The following CCNY variants were observed in gnomAD, a reference collection of about 807,000 sequenced individuals.
The protein encoded by CCNY is cyclin-Y.
CCNY carries 19 observed loss-of-function variants against 42.8 expected under a neutral mutation model. The ratio of observed to expected loss-of-function variants is 0.44; its 90% confidence interval spans 0.31 to 0.65. The LOEUF (loss-of-function observed/expected upper bound fraction) is 0.65. Among genes scored for constraint, CCNY ranks in the 30% least tolerant of loss-of-function variants. The pLI, the probability that CCNY is intolerant of heterozygous loss-of-function variation, is 0.07. For missense variants in CCNY, 370 were observed against 437.3 expected, an observed-to-expected ratio of 0.85 and a Z score of 1.37; for synonymous variants, 165 against 162.7, an observed-to-expected ratio of 1.01 and a Z score of -0.11.
At chr10:35,346,846 C>T (rs1049512282) in intron 1 of CCNY, among the ~76,000 whole-genome samples, 2 of 152,190 alleles carry the variant, frequency 1.3e-5, no homozygotes, top group Non-Finnish European at 1.5e-5. Flanking sequence ...GGGCTGGTCT[C>T]GAACTCCTGG....
intron 1 of CCNY, among the ~76,000 whole-genome samples, chr10:35,358,679 A>C (rs1433584144): frequency 1.3e-5 from 2 of 152,266 alleles, no homozygotes; most frequent in Non-Finnish European, 2.9e-5. Context: ...TAGGTGGTTA[A>C]TTACTTATAG....
rs1350533067 is a variant in CCNY, at chr10:35,569,623, ATT to A, written c.*457_*458del. On this transcript the variant is annotated 3_prime_UTR_variant, in exon 10 of 10. Transcript: ENST00000374704. The stretch of plus-strand genomic sequence containing the variant: ...TCTGCTGCTTTTTTGGGATGGGGGT[ATT>A]TTTGTTCATTTGTTTTTGCCCTGTT... 1 of 177,356 alleles carries A rather than the reference ATT, an allele frequency of 5.6e-6. No individual in the cohort carries two copies. The highest frequency in any genetic ancestry group is 1.2e-5 in the Non-Finnish European group (1 of 82,550). 11.0% of individuals were successfully genotyped at this position (177,356 alleles called of 1,614,324 possible). A position where few individuals can be genotyped will look rare whatever the true frequency, so the allele number is the denominator to read the frequency against.
At position 35,530,914 on chromosome 10, in the gene CCNY, T is replaced by C. The variant is rs144343145; in HGVS notation, c.579+671T>C. Among the ~76,000 whole-genome samples the C allele has an allele frequency of 6.6e-6, 1 of 152,110 alleles. No individual in the cohort carries two copies. Among genetic ancestry groups the C allele is most frequent in the East Asian group, 1.9e-4 (1 of 5,154 alleles). ...TAGTGAAACCCCGACTCTACAAAAT[T>C]TAAAAGTCAGCTGGCCATGGTGGCA... is the stretch of plus-strand genomic sequence containing the variant. On this transcript the variant is annotated intron_variant, in intron 7 of 9. Transcript: ENST00000374704. The surrounding 1 kb of genome is among the most constrained non-coding windows in gnomAD (Gnocchi z 4.3).
chr10:35,530,333 GAATCC>G lies in CCNY; in HGVS notation c.579+91_579+95del. On this transcript the variant is annotated intron_variant, in intron 7 of 9. Coordinates refer to ENST00000374704, the MANE Select transcript of CCNY (RefSeq NM_145012.6). The surrounding 1 kb of genome is among the most constrained non-coding windows in gnomAD (Gnocchi z 4.3). ...CTCAGCGGAGTGAGGTTGGAGCAGGGAATCCTCACCAGGTTACCCTGTGGACACCG... is the reference window on the plus strand; with the variant it reads ...CTCAGCGGAGTGAGGTTGGAGCAGGGTCACCAGGTTACCCTGTGGACACCG... The G allele has an allele frequency of 1.3e-6, 2 of 1,528,508 alleles. No homozygotes were observed. Among genetic ancestry groups the G allele is most frequent in the African/African-American group, 1.4e-5 (1 of 73,412 alleles). The allele number at this position is 1,528,508 out of a possible 1,614,324, so 94.7% of individuals were successfully genotyped here.
intron 1 of CCNY, among the ~76,000 whole-genome samples, chr10:35,383,443 G>T (rs554613750): frequency 7.2e-5 from 11 of 151,988 alleles, no homozygotes; most frequent in Non-Finnish European, 1.0e-4. Context: ...GAGTAGCTGG[G>T]ATTACAGGCA....
chr10:35,516,688 T>TTTA (rs1554797218), intron 4 of CCNY, 65 bp downstream of exon 4: 49 of 829,356 alleles, frequency 5.9e-5, no homozygotes, highest in Non-Finnish European at 8.1e-5. Context: ...TTTTTTTTTT[T>TTTA]ACTTAACTGA....
At chr10:35,469,304 A>C (rs148317486) in intron 1 of CCNY, among the ~76,000 whole-genome samples, 194 of 152,332 alleles carry the variant, frequency 1.3e-3, no homozygotes, top group Non-Finnish European at 2.4e-3. Flanking sequence ...GTAGCATGAG[A>C]GCTTTTAGGT....
intron 3 of CCNY, among the ~76,000 whole-genome samples, chr10:35,304,644 G>A (rs1304974478): frequency 6.6e-6 from 1 of 152,198 alleles, no homozygotes; most frequent in African/African-American, 2.4e-5. Context: ...GGTTTGGTTA[G>A]CATATTGCAG....
intron 1 of CCNY, among the ~76,000 whole-genome samples, chr10:35,469,549 C>T (rs1341474373): frequency 6.6e-6 from 1 of 151,770 alleles, no homozygotes; most frequent in Non-Finnish European, 1.5e-5. Context: ...GATGGAGAGG[C>T]AGAACGGGAG....
chr10:35,570,941 A>G lies in CCNY; in HGVS notation c.*1771A>G, dbSNP rs1434364701. 1 of 152,352 alleles carries G rather than the reference A, an allele frequency of 6.6e-6. No homozygotes were observed. The highest frequency in any genetic ancestry group is 6.5e-5 in the Admixed American group (1 of 15,286). 9.4% of individuals were successfully genotyped at this position (152,352 alleles called of 1,614,324 possible). ...CAAATAAACAGCATATAAAACGTTA[A>G]TTATCTTTCCATTGTAATTGTGATG... On this transcript the variant is annotated 3_prime_UTR_variant, in exon 10 of 10. Coordinates refer to ENST00000374704, the MANE Select transcript of CCNY (RefSeq NM_145012.6).
chr10:35,267,343 T>C (rs2095726571), intron 3 of CCNY, among the ~76,000 whole-genome samples: 1 of 151,218 alleles, frequency 6.6e-6, no homozygotes, highest in African/African-American at 2.4e-5. Context: ...AATTCCAGCC[T>C]CATCCTCGGG....
intron 1 of CCNY, among the ~76,000 whole-genome samples, chr10:35,356,396 G>A (rs1342930176): frequency 6.6e-6 from 1 of 152,198 alleles, no homozygotes; most frequent in African/African-American, 2.4e-5. Flanking sequence ...TGAGACTGGT[G>A]CAGTGGTTTT....
intron 1 of CCNY, among the ~76,000 whole-genome samples, chr10:35,369,653 G>A (rs180917735): frequency 3.9e-5 from 6 of 152,050 alleles, no homozygotes; most frequent in African/African-American, 4.8e-5. Flanking sequence ...GTGCTGAGCC[G>A]GCCACTTAAG....
intron 1 of CCNY, among the ~76,000 whole-genome samples, chr10:35,371,412 A>G (rs376514853): frequency 6.6e-6 from 1 of 152,108 alleles, no homozygotes; most frequent in Admixed American, 6.5e-5. Context: ...TTTTAGGTCC[A>G]TCTTTCACAA....
At chr10:35,536,633 C>G (rs1840892423) in intron 7 of CCNY, among the ~76,000 whole-genome samples, 1 of 152,130 alleles carries the variant, frequency 6.6e-6, no homozygotes, top group Non-Finnish European at 1.5e-5. Flanking sequence ...TTGTTGGGAA[C>G]TGGAGCAAAG....
At chr10:35,385,704 G>A (rs1163616037) in intron 1 of CCNY, among the ~76,000 whole-genome samples, 2 of 152,084 alleles carry the variant, frequency 1.3e-5, no homozygotes, top group African/African-American at 2.4e-5. Flanking sequence ...AGATAAGAAC[G>A]TTTTAAAACC....
chr10:35,547,324 T>C (rs1841136735), intron 7 of CCNY, among the ~76,000 whole-genome samples: 1 of 152,216 alleles, frequency 6.6e-6, no homozygotes, highest in Non-Finnish European at 1.5e-5. Context: ...CTTGAGTGAC[T>C]TTCTTTTTTC....
intron 1 of CCNY, among the ~76,000 whole-genome samples, chr10:35,349,785 TAAC>T (rs928849864): frequency 1.3e-5 from 2 of 152,116 alleles, no homozygotes; most frequent in African/African-American, 2.4e-5. Flanking sequence ...GCACCCTCCA[TAAC>T]AACAACAAAA....
intron 3 of CCNY, among the ~76,000 whole-genome samples, chr10:35,295,187 T>G (rs1186329408): frequency 6.6e-6 from 1 of 151,936 alleles, no homozygotes; most frequent in Non-Finnish European, 1.5e-5. Flanking sequence ...TTATCTAATT[T>G]GTTGGCATAC....
Sources: gnomAD v4.1 joint callset for allele counts (sites outside exome capture counted in the v4.1 genomes callset) on GRCh38, gnomAD v4.1.1 for gene constraint, Gnocchi (gnomAD v3.1) non-coding constraint, MANE v1.5 for transcripts, NCBI Gene and HGNC (gene_info 2026-07-23, HGNC 2026-07-21) for gene names.